USH2A: variants seen among roughly 807,000 people sequenced by gnomAD.
USH2A encodes the protein usherin, also known as Usher syndrome 2A (autosomal recessive, mild).
USH2A carries 443 observed loss-of-function variants against 538.9 expected under a neutral mutation model. The ratio of observed to expected loss-of-function variants is 0.82; its 90% CI spans 0.76 to 0.89. USH2A has a LOEUF of 0.89. Ranked by LOEUF, USH2A falls within the 40% of genes least tolerant of loss-of-function variation. The pLI is 0.00. For synonymous variants in USH2A, 2,413 were observed against 2,273.5 expected, an observed-to-expected ratio of 1.06 and a Z score of -1.75; for missense variants, 6,633 against 6,324.8, an observed-to-expected ratio of 1.05 and a Z score of -1.65.
At chr1:216,412,743 T>G (rs547285304) in intron 3 of USH2A, among the ~76,000 whole-genome samples, 1 of 151,840 alleles carries the variant, frequency 6.6e-6, no homozygotes, top group Admixed American at 6.6e-5. Flanking sequence ...TTTTAAAAAC[T>G]ATTATTTAGA....
At chr1:215,687,948 T>C (rs1658485350) in intron 61 of USH2A, among the ~76,000 whole-genome samples, 1 of 152,024 alleles carries the variant, frequency 6.6e-6, no homozygotes, top group Admixed American at 6.6e-5. Flanking sequence ...GGAGGACAAA[T>C]GGGCAATATA....
At chr1:215,958,582 G>A (rs1466931908) in intron 37 of USH2A, among the ~76,000 whole-genome samples, 1 of 152,102 alleles carries the variant, frequency 6.6e-6, no homozygotes, top group Non-Finnish European at 1.5e-5. Context: ...TAGGCTCAGA[G>A]AATGGGGGAT....
intron 4 of USH2A, among the ~76,000 whole-genome samples, chr1:216,352,451 G>T (rs564876601): frequency 4.0e-4 from 61 of 152,236 alleles, no homozygotes; most frequent in Non-Finnish European, 7.4e-4. Context: ...TAATGTGAAG[G>T]TGAGTAGAGA....
chr1:216,364,044 A>T (rs1003279759), intron 4 of USH2A, among the ~76,000 whole-genome samples: 1 of 150,658 alleles, frequency 6.6e-6, no homozygotes, highest in Non-Finnish European at 1.5e-5. Flanking sequence ...AGCATATATT[A>T]TATAATAATA....
intron 38 of USH2A, among the ~76,000 whole-genome samples, chr1:215,932,170 T>C (rs999641620): frequency 6.6e-6 from 1 of 151,900 alleles, no homozygotes; most frequent in African/African-American, 2.4e-5. Context: ...ATAAGAGAGA[T>C]CTAATATTGA....
chr1:215,920,021 C>T (rs1666057748), intron 38 of USH2A, among the ~76,000 whole-genome samples: 1 of 152,020 alleles, frequency 6.6e-6, no homozygotes, highest in Non-Finnish European at 1.5e-5. Flanking sequence ...GTACAAAGTA[C>T]ACAGTTCATA....
At chr1:216,172,572 T>C (rs2034293270) in intron 21 of USH2A, among the ~76,000 whole-genome samples, 1 of 152,164 alleles carries the variant, frequency 6.6e-6, no homozygotes, top group African/African-American at 2.4e-5. Flanking sequence ...TATAAAGGAA[T>C]GTGAGTTGAA....
rs571798037 is a variant in USH2A at position 215,794,985 on chromosome 1, C to T, written c.9958+3922G>A. On this transcript the variant is annotated intron_variant, in intron 50 of 71. Coordinates refer to ENST00000307340, the MANE Select transcript of USH2A (RefSeq NM_206933.4). ...CTAGTGGACGGTAACCTCCATTCCA[C>T]TTCTTAGAACAGATGTATTTTACTT... 3.2e-4 allele frequency among the ~76,000 whole-genome samples: 49 copies of T among 152,298 alleles called. 1 individual carries two copies. Among genetic ancestry groups the T allele is most frequent in the African/African-American group, 1.1e-3 (45 of 41,568 alleles).
In USH2A at chr1:215,741,499, G is replaced by A; in HGVS notation, c.11587C>T (p.Pro3863Ser). ...GVSSRMFVKT[P>S]EAAPMDLNSP... is the part of the protein sequence containing the mutation. ...TTAAGATCCATTGGGGCTGCTTCAGGTGTTTTGACAAACATCCTACTGCTA... is the reference window on the plus strand; with the variant it reads ...TTAAGATCCATTGGGGCTGCTTCAGATGTTTTGACAAACATCCTACTGCTA... The change falls in exon 60 of 72, where the codon CCT becomes TCT. Residue 3863 changes from proline (P) to serine (S), a missense_variant. Pro to Ser is a moderately conservative substitution (Grantham distance 74, BLOSUM62 -1). Transcript: ENST00000307340. 1 of 1,613,178 alleles carries A rather than the reference G, an allele frequency of 6.2e-7. No individual in the cohort carries two copies. Among genetic ancestry groups the A allele is most frequent in the Non-Finnish European group, 8.5e-7 (1 of 1,179,814 alleles).
At chr1:215,752,569 G>A (rs926373228) in intron 58 of USH2A, among the ~76,000 whole-genome samples, 5 of 152,098 alleles carry the variant, frequency 3.3e-5, no homozygotes, top group Admixed American at 2.6e-4. Flanking sequence ...TTTAAGTCAC[G>A]TCTATTCCTT....
chr1:216,002,612 T>C (rs1171652113), intron 32 of USH2A, among the ~76,000 whole-genome samples: 1 of 152,156 alleles, frequency 6.6e-6, no homozygotes, highest in Non-Finnish European at 1.5e-5. Flanking sequence ...CCTTGAAATA[T>C]ATAATAGCCA....
At chr1:215,866,670 A>T (rs1664477714) in intron 44 of USH2A, among the ~76,000 whole-genome samples, 1 of 152,234 alleles carries the variant, frequency 6.6e-6, no homozygotes, top group Non-Finnish European at 1.5e-5. Context: ...ATTGCCTGGT[A>T]TGATAGAAAT....
intron 66 of USH2A, among the ~76,000 whole-genome samples, chr1:215,648,190 G>A (rs1442632218): frequency 6.6e-6 from 1 of 152,192 alleles, no homozygotes; most frequent in Non-Finnish European, 1.5e-5. Flanking sequence ...TTATGTTCCA[G>A]TGAAGGCTGG....
intron 35 of USH2A, among the ~76,000 whole-genome samples, chr1:215,976,589 T>C (rs1667624954): frequency 6.6e-6 from 1 of 152,196 alleles, no homozygotes; most frequent in African/African-American, 2.4e-5. Flanking sequence ...TTGCTTTTAG[T>C]TCTATTTATA....
intron 40 of USH2A, among the ~76,000 whole-genome samples, chr1:215,898,705 TAAG>T (rs1187034439): frequency 6.6e-6 from 1 of 152,232 alleles, no homozygotes; most frequent in Non-Finnish European, 1.5e-5. Flanking sequence ...CTGCTATATA[TAAG>T]AAGGAGATTA....
chr1:216,164,837 CA>C (rs986938194), intron 21 of USH2A, among the ~76,000 whole-genome samples: 3 of 152,138 alleles, frequency 2.0e-5, no homozygotes, highest in African/African-American at 7.2e-5. Flanking sequence ...ATGCTGGTCA[CA>C]AATGCATACA....
intron 9 of USH2A, among the ~76,000 whole-genome samples, chr1:216,321,617 CAAAG>C (rs921881658): frequency 1.3e-5 from 2 of 151,818 alleles, no homozygotes; most frequent in Non-Finnish European, 2.9e-5. Context: ...GCTGATGAAA[CAAAG>C]AAAGAAAAAC....
chr1:215,654,069 C>T (rs1251025718), intron 64 of USH2A, among the ~76,000 whole-genome samples: 1 of 151,958 alleles, frequency 6.6e-6, no homozygotes, highest in Non-Finnish European at 1.5e-5. Flanking sequence ...GCAAGTAAGG[C>T]TTATAAATTC....
intron 4 of USH2A, among the ~76,000 whole-genome samples, chr1:216,342,865 GACAA>G (rs2038102578): frequency 6.6e-6 from 1 of 151,968 alleles, no homozygotes; most frequent in Non-Finnish European, 1.5e-5. Flanking sequence ...AGAGCATCAG[GACAA>G]ACAGTTAAGG....
Sources: gnomAD v4.1 joint callset for allele counts (sites outside exome capture counted in the v4.1 genomes callset) on GRCh38, gnomAD v4.1.1 for gene constraint, MANE v1.5 for transcripts, NCBI Gene and HGNC (gene_info 2026-07-23, HGNC 2026-07-21) for gene names.